JADE2: variants seen among roughly 807,000 people sequenced by gnomAD.
JADE2 encodes jade family PHD finger 2.
JADE2 carries 13 observed loss-of-function variants against 85.7 expected under a neutral mutation model. That is an observed-to-expected ratio of 0.15 (90% CI 0.10 to 0.24). The LOEUF (loss-of-function observed/expected upper bound fraction) is 0.24. JADE2 is among the 10% of genes least tolerant of loss of function. JADE2 has a pLI of 1.00. For synonymous variants in JADE2, 440 were observed against 456.1 expected (o/e 0.96, Z 0.45); for missense variants, 846 against 1,115.9 (o/e 0.76, Z 3.45).
At chr5:134,535,776 G>C in intron 1 of JADE2, 82 bp from the exon 2 acceptor site, 1 of 1,126,754 alleles carries the variant, frequency 8.9e-7, no homozygotes, top group Non-Finnish European at 1.4e-6. Context: ...AGTGTGGGGA[G>C]GTTGGTTATG....
intron 3 of JADE2, 66 bp downstream of exon 3, chr5:134,538,149 G>T: frequency 5.3e-6 from 7 of 1,315,968 alleles, no homozygotes; most frequent in Non-Finnish European, 7.7e-6. Context: ...CGGAGACTGG[G>T]GCAGAGCATT....
At chr5:134,546,377 A>G (rs187219551) in intron 3 of JADE2, among the ~76,000 whole-genome samples, 4 of 152,252 alleles carry the variant, frequency 2.6e-5, no homozygotes, top group Non-Finnish European at 5.9e-5. Context: ...TGTGTGTCAA[A>G]CACTGTGCCA....
rs1451302208 is a variant in JADE2 at position 134,578,744 on chromosome 5, G to C, written c.1932G>C (p.Leu644=). The change falls in exon 12 of 12, where the codon CTG becomes CTC. Residue 644 remains leucine (L), a synonymous_variant. Coordinates refer to ENST00000681547, the MANE Select transcript of JADE2 (RefSeq NM_001388185.1). This position sits in a 1 kb window ranked among gnomAD's most constrained non-coding sequence, Gnocchi z 4.4. ...GGAAGGCCCGAGGCCGCACCCGCCT[G>C]CCTGCCAAGAAGAAACCACCACCAC... ...PARKARGRTR[L]PAKKKPPPPP... 6.2e-7 allele frequency: 1 copy of C among 1,613,572 alleles called. No homozygotes were observed.
At position 134,543,798 on chromosome 5, in the gene JADE2, G is replaced by C. The variant is rs184012838; in HGVS notation, c.153+5715G>C. On this transcript the variant is annotated intron_variant, in intron 3 of 11. Transcript: ENST00000681547. Reference sequence around the variant, plus strand: ...GGAAGCTTCTTTGAGTATTTTTGAGGGGGTGGGGAGTGGAAGCTGTGGCTA... The same window carrying C: ...GGAAGCTTCTTTGAGTATTTTTGAGCGGGTGGGGAGTGGAAGCTGTGGCTA... Among the ~76,000 whole-genome samples the C allele has an allele frequency of 2.5e-4, 38 of 152,344 alleles. 1 individual carries two copies. In the East Asian group the frequency reaches 6.6e-3, roughly 26 times the overall value.
In JADE2 at chr5:134,579,559, G is replaced by A. The variant is rs1029487339; in HGVS notation, c.*242G>A. 18 of 523,574 alleles carry A rather than the reference G, an allele frequency of 3.4e-5. No individual in the cohort carries two copies. The highest frequency in any genetic ancestry group is 2.1e-4 in the African/African-American group (11 of 52,976). The allele number at this position is 523,574 out of a possible 1,614,324, so 32.4% of individuals were successfully genotyped here. A position where few individuals can be genotyped will look rare whatever the true frequency, so the allele number is the denominator to read the frequency against. ...CCGCTAGGACCCTGCCAGGTCCCGC[G>A]CACCATCCCTGCCCTGCCCACGTGG... On this transcript the variant is annotated 3_prime_UTR_variant, in exon 12 of 12. Transcript: ENST00000681547. The surrounding 1 kb of genome is among the most constrained non-coding windows in gnomAD (Gnocchi z 4.6).
chr5:134,578,981 G>A lies in JADE2; in HGVS notation c.2169G>A (p.Glu723=). The change falls in exon 12 of 12, where the codon GAG becomes GAA. Residue 723 remains glutamate, a synonymous_variant. Coordinates refer to ENST00000681547, the MANE Select transcript of JADE2 (RefSeq NM_001388185.1). The surrounding 1 kb of genome is among the most constrained non-coding windows in gnomAD (Gnocchi z 4.4). The part of the protein sequence containing the change: ...TPESPPPLAP[E]TPDEAASVAA... ...AAAGCCCCCCGCCACTGGCCCCTGA[G>A]ACCCCGGACGAGGCAGCCTCAGTAG... The A allele has an allele frequency of 6.2e-7, 1 of 1,613,696 alleles. No individual in the cohort carries two copies.
Position 134,579,398 on chromosome 5 carries a change from C to G in JADE2, c.*81C>G. Reference sequence around the variant, plus strand: ...CAGTCACAACTGCCATTTCCAGTCTCTGCTGAGTGTCCCAGACCCTCGAGG... The same window carrying G: ...CAGTCACAACTGCCATTTCCAGTCTGTGCTGAGTGTCCCAGACCCTCGAGG... On this transcript the variant is annotated 3_prime_UTR_variant, in exon 12 of 12. Transcript: ENST00000681547. This position sits in a 1 kb window ranked among gnomAD's most constrained non-coding sequence, Gnocchi z 4.6. 2 of 1,142,434 alleles carry G rather than the reference C, an allele frequency of 1.8e-6. No individual in the cohort carries two copies. The highest frequency in any genetic ancestry group is 2.4e-6 in the Non-Finnish European group (2 of 823,264). 70.8% of individuals were successfully genotyped at this position (1,142,434 alleles called of 1,614,324 possible). A position where few individuals can be genotyped will look rare whatever the true frequency, so the allele number is the denominator to read the frequency against.
chr5:134,566,604 AC>A lies in JADE2; in HGVS notation c.1434+29del. 1 of 1,503,386 alleles carries A rather than the reference AC, an allele frequency of 6.7e-7. No homozygotes were observed. The highest frequency in any genetic ancestry group is 1.4e-5 in the African/African-American group (1 of 72,120). 93.1% of individuals were successfully genotyped at this position (1,503,386 alleles called of 1,614,324 possible). On this transcript the variant is annotated intron_variant, in intron 9 of 11. Coordinates refer to ENST00000681547, the MANE Select transcript of JADE2 (RefSeq NM_001388185.1). The surrounding 1 kb of genome is among the most constrained non-coding windows in gnomAD (Gnocchi z 6.7). The stretch of plus-strand genomic sequence containing the variant: ...GGGTGAGTCCCCATGCCGCCTGCCC[AC>A]CCCCTGCCTGGTGGGTCCAGGAGTC...
intron 9 of JADE2, among the ~76,000 whole-genome samples, chr5:134,568,190 C>T (rs183254103): frequency 1.3e-5 from 2 of 152,290 alleles, no homozygotes; most frequent in African/African-American, 4.8e-5. Flanking sequence ...AGTCATCATC[C>T]TGGAAAAAGA....
Position 134,582,305 on chromosome 5 carries a change from G to A in JADE2, c.*2988G>A, listed in dbSNP as rs1056746759. On this transcript the variant is annotated 3_prime_UTR_variant, in exon 12 of 12. Coordinates refer to ENST00000681547, the MANE Select transcript of JADE2 (RefSeq NM_001388185.1). ...GTGTGTGAGCATTTGCAATGTAAGG[G>A]CCTCAGCTTCCTTGGAGAAGCCACC... 2 of 152,192 alleles carry A rather than the reference G, an allele frequency of 1.3e-5. No individual in the cohort carries two copies. The highest frequency in any genetic ancestry group is 2.9e-5 in the Non-Finnish European group (2 of 68,032). The allele number at this position is 152,192 out of a possible 1,614,324, so 9.4% of individuals were successfully genotyped here.
chr5:134,548,285 C>T (rs1213870186), intron 3 of JADE2, among the ~76,000 whole-genome samples: 1 of 152,176 alleles, frequency 6.6e-6, no homozygotes, highest in Non-Finnish European at 1.5e-5. Context: ...AGCACATGGC[C>T]AAAAGGGGCA....
At position 134,566,045 on chromosome 5, in the gene JADE2, G is replaced by A. The variant is rs550456262; in HGVS notation, c.970-71G>A. 87 of 1,334,244 alleles carry A rather than the reference G, an allele frequency of 6.5e-5. 1 individual carries two copies. The East Asian group carries it at 1.9e-3, about 29-fold the overall frequency. 82.7% of individuals were successfully genotyped at this position (1,334,244 alleles called of 1,614,324 possible). On this transcript the variant is annotated intron_variant, in intron 8 of 11. Coordinates refer to ENST00000681547, the MANE Select transcript of JADE2 (RefSeq NM_001388185.1). The surrounding 1 kb of genome is among the most constrained non-coding windows in gnomAD (Gnocchi z 6.7). ...GCGCATTCTCAGTAGAGCCCTGGGG[G>A]AAGCCCCTCTGTCTTCTCCCCTCCC...
chr5:134,555,936 G>T (rs930033003), intron 4 of JADE2, among the ~76,000 whole-genome samples: 2 of 152,034 alleles, frequency 1.3e-5, no homozygotes, highest in South Asian at 4.1e-4. Flanking sequence ...CCCCTTCTCC[G>T]TGCCCCCTCG....
chr5:134,559,300 T>C (rs1231520514), intron 4 of JADE2, among the ~76,000 whole-genome samples: 1 of 152,172 alleles, frequency 6.6e-6, no homozygotes, highest in East Asian at 1.9e-4. Flanking sequence ...GAAGGGGGCT[T>C]GGGCTTCTGA....
intron 4 of JADE2, among the ~76,000 whole-genome samples, chr5:134,552,880 C>G (rs932431105): frequency 6.6e-6 from 1 of 151,680 alleles, no homozygotes; most frequent in Non-Finnish European, 1.5e-5. Context: ...GCCATGTTGC[C>G]CGGGCTGATC....
intron 4 of JADE2, among the ~76,000 whole-genome samples, chr5:134,558,225 GTTGT>G (rs1356264426): frequency 1.0e-5 from 1 of 100,382 alleles, no homozygotes; most frequent in Non-Finnish European, 2.0e-5. Flanking sequence ...TTTTGATGGG[GTTGT>G]TTGTTTTTTT....
intron 1 of JADE2, among the ~76,000 whole-genome samples, chr5:134,528,878 C>T (rs1761050090): frequency 6.6e-6 from 1 of 152,204 alleles, no homozygotes; most frequent in African/African-American, 2.4e-5. Flanking sequence ...GTCCAAAATG[C>T]TTTTCCTTTC....
At chr5:134,540,321 T>C (rs1477179346) in intron 3 of JADE2, among the ~76,000 whole-genome samples, 1 of 151,802 alleles carries the variant, frequency 6.6e-6, no homozygotes, top group Non-Finnish European at 1.5e-5. Context: ...CAGGCTCAAG[T>C]GATCCTCCCA....
In JADE2 at chr5:134,580,769, T is replaced by C. The variant is rs1203592389; in HGVS notation, c.*1452T>C. ...GGACTTTTTTTTAAATGGAGTTCTT[T>C]AGCAACAAAGTATAGAAACATGTTC... On this transcript the variant is annotated 3_prime_UTR_variant, in exon 12 of 12. Transcript: ENST00000681547. 1 of 152,520 alleles carries C rather than the reference T, an allele frequency of 6.6e-6. No homozygotes were observed. The highest frequency in any genetic ancestry group is 2.4e-5 in the African/African-American group (1 of 41,378). 9.4% of individuals were successfully genotyped at this position (152,520 alleles called of 1,614,324 possible). A position where few individuals can be genotyped will look rare whatever the true frequency, so the allele number is the denominator to read the frequency against.
Sources: gnomAD v4.1 joint callset for allele counts (sites outside exome capture counted in the v4.1 genomes callset) on GRCh38, gnomAD v4.1.1 for gene constraint, Gnocchi (gnomAD v3.1) non-coding constraint, MANE v1.5 for transcripts, NCBI Gene and HGNC (gene_info 2026-07-23, HGNC 2026-07-21) for gene names.